ZBTB7A: variants seen among roughly 807,000 people sequenced by gnomAD.
ZBTB7A encodes the protein zinc finger and BTB domain containing 7A.
ZBTB7A carries 7 observed loss-of-function variants against 26.7 expected under a neutral mutation model. The ratio of observed to expected loss-of-function variants is 0.26; its 90% CI spans 0.15 to 0.49. ZBTB7A has a LOEUF of 0.49. Ranked by LOEUF, ZBTB7A falls within the 20% of genes least tolerant of loss-of-function variation. The probability of loss-of-function intolerance (pLI) is 0.98; values close to 1 mark genes in which losing one functional copy is unlikely to be tolerated. For missense variants in ZBTB7A, 617 were observed against 919.5 expected (o/e 0.67, Z 4.25); for synonymous variants, 452 against 441.0 (o/e 1.02, Z -0.31).
Position 4,054,835 on chromosome 19 carries a change from G to C in ZBTB7A, c.398C>G (p.Ala133Gly). The change falls in exon 2 of 3, where the codon GCG (alanine) becomes GGG (glycine). Residue 133 changes from alanine (A) to glycine (G), a missense_variant. Around this residue, in one of 5 missense-constraint regions of ZBTB7A, gnomAD observed 331 missense variants for 391.3 expected, o/e 0.85. Coordinates refer to ENST00000322357, the MANE Select transcript of ZBTB7A (RefSeq NM_015898.4). ...CCCGGCGTCGGCGCCCGCGTCGGCC[G>C]CCAGGATCTGCCGGTCCAGGAGGTC... The part of the protein sequence containing the change: ...CADLLDRQIL[A>G]ADAGADAGQL... 2.5e-6 allele frequency: 4 copies of C among 1,604,860 alleles called. No individual in the cohort carries two copies. Among genetic ancestry groups the C allele is most frequent in the Non-Finnish European group, 3.4e-6 (4 of 1,175,642 alleles).
chr19:4,048,870 C>G lies in ZBTB7A; in HGVS notation c.1263-626G>C, dbSNP rs1412336557. On this transcript the variant is annotated intron_variant, in intron 2 of 2. Transcript: ENST00000322357. This position sits in a 1 kb window ranked among gnomAD's most constrained non-coding sequence, Gnocchi z 6.7. ...CGTCTCAAAAAACAAATCTGCCAGG[C>G]GTGGTGGCGCAGGCCTATAATCCCA... Among the ~76,000 whole-genome samples the G allele has an allele frequency of 6.7e-6, 1 of 149,840 alleles. No homozygotes were observed. The highest frequency in any genetic ancestry group is 1.5e-5 in the Non-Finnish European group (1 of 67,538).
rs140123846 is a variant in ZBTB7A at position 4,058,068 on chromosome 19, C to T, written c.-15-2821G>A. 3.6e-3 allele frequency among the ~76,000 whole-genome samples: 549 copies of T among 152,312 alleles called. 2 individuals carry two copies. The highest frequency in any genetic ancestry group is 0.013 in the African/African-American group (532 of 41,576). On this transcript the variant is annotated intron_variant, in intron 1 of 2. Transcript: ENST00000322357. ...CAGCCCAGGCACGGGGACCCAGTGCCGAAACCCAGCTGAGGTCAAGGCCAC... is the reference window on the plus strand; with the variant it reads ...CAGCCCAGGCACGGGGACCCAGTGCTGAAACCCAGCTGAGGTCAAGGCCAC...
At chr19:4,051,347 C>A (rs1176661608) in intron 2 of ZBTB7A, among the ~76,000 whole-genome samples, 1 of 152,014 alleles carries the variant, frequency 6.6e-6, no homozygotes, top group Non-Finnish European at 1.5e-5. Context: ...TGGGGACTGG[C>A]AAACTCCTAC....
At chr19:4,058,132 C>T (rs1260849346) in intron 1 of ZBTB7A, among the ~76,000 whole-genome samples, 2 of 152,216 alleles carry the variant, frequency 1.3e-5, no homozygotes, top group African/African-American at 2.4e-5. Flanking sequence ...AGTGACTCCG[C>T]AGGCTAAACC....
At chr19:4,058,564 G>C (rs1374374460) in intron 1 of ZBTB7A, among the ~76,000 whole-genome samples, 1 of 152,144 alleles carries the variant, frequency 6.6e-6, no homozygotes, top group East Asian at 1.9e-4. Context: ...GAGTCACCCA[G>C]CACAGCTCAC....
chr19:4,051,129 G>T (rs1414268352), intron 2 of ZBTB7A, among the ~76,000 whole-genome samples: 3 of 141,530 alleles, frequency 2.1e-5, no homozygotes, highest in Non-Finnish European at 3.0e-5. Context: ...AAAAAAGTAG[G>T]TGTCTTGCCT....
rs764897161 is a variant in ZBTB7A, at chr19:4,054,567, C to T, written c.666G>A (p.Pro222=). The change falls in exon 2 of 3, where the codon CCG becomes CCA. Residue 222 remains proline, a synonymous_variant. Coordinates refer to ENST00000322357, the MANE Select transcript of ZBTB7A (RefSeq NM_015898.4). ...GDCNGLDFYG[P]GPPAERPPTG... is the part of the protein sequence containing the mutation. ...TCGGGGGCCGCTCGGCCGGGGGGCC[C>T]GGCCCATAGAAGTCTAAGCCGTTGC... is the stretch of plus-strand genomic sequence containing the variant. 9.3e-6 allele frequency: 14 copies of T among 1,506,800 alleles called. No homozygotes were observed. The highest frequency in any genetic ancestry group is 1.1e-5 in the Non-Finnish European group (13 of 1,139,692). The allele number at this position is 1,506,800 out of a possible 1,614,324, so 93.3% of individuals were successfully genotyped here.
At chr19:4,064,084 T>C (rs957373131) in intron 1 of ZBTB7A, among the ~76,000 whole-genome samples, 3 of 152,232 alleles carry the variant, frequency 2.0e-5, no homozygotes, top group African/African-American at 7.2e-5. Flanking sequence ...GGCTGGGCTC[T>C]GCCTCGGCCG....
In ZBTB7A at chr19:4,054,255, C is replaced by T. The variant is rs755705227; in HGVS notation, c.978G>A (p.Ser326=). Residue 326 remains serine, a synonymous_variant, in exon 2 of 3, where the codon TCG becomes TCA. Coordinates refer to ENST00000322357, the MANE Select transcript of ZBTB7A (RefSeq NM_015898.4). ...ASTLLQQMMS[S]VGRAGAAAGD... ...CCGCCGCGGCCCCCGCCCGGCCCACCGATGACATCATCTGCTGCAGCAGCG... is the reference window on the plus strand; with the variant it reads ...CCGCCGCGGCCCCCGCCCGGCCCACTGATGACATCATCTGCTGCAGCAGCG... 3.2e-6 allele frequency: 5 copies of T among 1,576,034 alleles called. No individual in the cohort carries two copies. Among genetic ancestry groups the T allele is most frequent in the African/African-American group, 2.7e-5 (2 of 74,400 alleles).
rs2040382402 is a variant in ZBTB7A, at chr19:4,044,118, G to A, written c.*3634C>T. Among the ~76,000 whole-genome samples the A allele has an allele frequency of 6.6e-6, 1 of 151,862 alleles. No individual in the cohort carries two copies. The highest frequency in any genetic ancestry group is 1.5e-5 in the Non-Finnish European group (1 of 67,952). Reference sequence around the variant, plus strand: ...CTGCCACGGCCCCGGGGTCTGAATCGTGCAAAGACCCCTGTCCCCCACCTT... The same window carrying A: ...CTGCCACGGCCCCGGGGTCTGAATCATGCAAAGACCCCTGTCCCCCACCTT... On this transcript the variant is annotated 3_prime_UTR_variant, in exon 3 of 3. Transcript: ENST00000322357.
intron 1 of ZBTB7A, chr19:4,061,892 G>A (rs1252551212): frequency 6.6e-6 from 1 of 152,280 alleles, no homozygotes; most frequent in Non-Finnish European, 1.5e-5. Flanking sequence ...GACAGTGGAG[G>A]GGCTGAGCTT....
rs1470867545 is a variant in ZBTB7A, at chr19:4,048,088, C to T, written c.1419G>A (p.Lys473=). ...LRPYQCDSCC[K]TFVRSDHLHR... ...GCAGGTGGTCGGAGCGGACGAAGGT[C>T]TTGCAGCAGCTGTCGCACTGGTAGG... Residue 473 remains lysine, a synonymous_variant, in exon 3 of 3, where the codon AAG becomes AAA. Transcript: ENST00000322357. This position sits in a 1 kb window ranked among gnomAD's most constrained non-coding sequence, Gnocchi z 6.7. The T allele has an allele frequency of 1.9e-6, 3 of 1,609,734 alleles. No individual in the cohort carries two copies. The highest frequency in any genetic ancestry group is 2.5e-6 in the Non-Finnish European group (3 of 1,178,608).
At position 4,047,086 on chromosome 19, in the gene ZBTB7A, G is replaced by C. The variant is rs1350214637; in HGVS notation, c.*666C>G. ...TCCAGGCCTAGAAATAAATAGGTTT[G>C]TGTCTCAGTGGCCAGGAGACGTGGG... On this transcript the variant is annotated 3_prime_UTR_variant, in exon 3 of 3. Coordinates refer to ENST00000322357, the MANE Select transcript of ZBTB7A (RefSeq NM_015898.4). 1 of 151,886 alleles carries C rather than the reference G, an allele frequency of 6.6e-6. No individual in the cohort carries two copies. Among genetic ancestry groups the C allele is most frequent in the Non-Finnish European group, 1.5e-5 (1 of 67,936 alleles). The allele number at this position is 151,886 out of a possible 1,614,324, so 9.4% of individuals were successfully genotyped here. A position where few individuals can be genotyped will look rare whatever the true frequency, so the allele number is the denominator to read the frequency against.
At chr19:4,057,620 T>A (rs1404278344) in intron 1 of ZBTB7A, among the ~76,000 whole-genome samples, 1 of 148,460 alleles carries the variant, frequency 6.7e-6, no homozygotes, top group African/African-American at 2.5e-5. Flanking sequence ...AAACCCCATT[T>A]CTAACAAAAA....
intron 1 of ZBTB7A, among the ~76,000 whole-genome samples, chr19:4,060,795 G>A (rs2040630581): frequency 6.6e-6 from 1 of 152,212 alleles, no homozygotes; most frequent in Non-Finnish European, 1.5e-5. Flanking sequence ...GGGCTGGGCA[G>A]GTAACTGCCA....
Position 4,043,999 on chromosome 19 carries a change from C to G in ZBTB7A, c.*3753G>C, listed in dbSNP as rs1057438. ...TTTTTCTTCTGTTTTTCCTTTCATT[C>G]TCTCTGTCTTGCCTCCAACCATTCT... On this transcript the variant is annotated 3_prime_UTR_variant, in exon 3 of 3. Transcript: ENST00000322357. Among the ~76,000 whole-genome samples, 1 of 150,748 alleles carries G rather than the reference C, an allele frequency of 6.6e-6. No homozygotes were observed. Among genetic ancestry groups the G allele is most frequent in the Non-Finnish European group, 1.5e-5 (1 of 67,534 alleles).
At chr19:4,061,035 G>T (rs926508218) in intron 1 of ZBTB7A, among the ~76,000 whole-genome samples, 1 of 152,182 alleles carries the variant, frequency 6.6e-6, no homozygotes, top group African/African-American at 2.4e-5. Flanking sequence ...TCTCCTGGGG[G>T]ATGGGGGTCG....
intron 1 of ZBTB7A, among the ~76,000 whole-genome samples, chr19:4,059,883 G>C (rs368041923): frequency 4.8e-4 from 73 of 152,276 alleles, no homozygotes; most frequent in African/African-American, 1.6e-3. Context: ...CAAAGTCTTG[G>C]CAATAAAAAG....
chr19:4,063,853 C>A (rs2040663786), intron 1 of ZBTB7A, among the ~76,000 whole-genome samples: 1 of 152,222 alleles, frequency 6.6e-6, no homozygotes, highest in East Asian at 1.9e-4. Flanking sequence ...AGTACCGGCA[C>A]CTGCTCCGAG....
Sources: allele counts gnomAD v4.1 joint callset (sites outside exome capture counted in the v4.1 genomes callset), GRCh38; gene constraint gnomAD v4.1.1; regional missense constraint gnomAD v4.1.1; non-coding constraint Gnocchi (gnomAD v3.1); transcripts MANE v1.5; gene names NCBI Gene and HGNC (gene_info 2026-07-23, HGNC 2026-07-21).